ZNF367: variants seen among roughly 807,000 people sequenced by gnomAD.
The protein encoded by ZNF367 is C2H2 zinc finger protein ZFF29.
A neutral mutation model predicts 31.8 loss-of-function variants in ZNF367; 11 were observed. The observed-to-expected ratio is 0.35, with a 90% CI of 0.22 to 0.57. The LOEUF (loss-of-function observed/expected upper bound fraction) is 0.57, where lower values mean the gene tolerates loss of function less well. Ranked by LOEUF, ZNF367 falls within the 20% of genes least tolerant of loss-of-function variation. The probability of loss-of-function intolerance (pLI) is 0.85; values close to 1 mark genes in which losing one functional copy is unlikely to be tolerated. For missense variants in ZNF367, 353 were observed against 484.1 expected (o/e 0.73, Z 2.54); for synonymous variants, 199 against 202.4 (o/e 0.98, Z 0.14).
chr9:96,388,072 T>G lies in ZNF367; in HGVS notation c.*165A>C, dbSNP rs1831426331. The G allele has an allele frequency of 1.6e-6, 1 of 630,978 alleles. No individual in the cohort carries two copies. Among genetic ancestry groups the G allele is most frequent in the Non-Finnish European group, 2.7e-6 (1 of 373,506 alleles). The allele number at this position is 630,978 out of a possible 1,614,324, so 39.1% of individuals were successfully genotyped here. On this transcript the variant is annotated 3_prime_UTR_variant, in exon 5 of 5. Transcript: ENST00000375256. ...TGAATTCATTTCCATATTAAAAAAG[T>G]GCAGTTCTCTCTCACCCCATATTCT...
chr9:96,393,758 G>A (rs2131072005), intron 3 of ZNF367, among the ~76,000 whole-genome samples: 1 of 152,274 alleles, frequency 6.6e-6, no homozygotes, highest in Non-Finnish European at 1.5e-5. Flanking sequence ...TTGAACCCAG[G>A]AGGCGGAGGT....
chr9:96,392,560 T>A, intron 3 of ZNF367, 24 bp from the exon 4 acceptor site: 1 of 1,576,894 alleles, frequency 6.3e-7, no homozygotes, highest in Non-Finnish European at 8.7e-7. Flanking sequence ...GGTTAACACC[T>A]GTCAGGATCT....
At chr9:96,407,374 G>C (rs1041437884) in intron 1 of ZNF367, 1 of 1,540,416 alleles carries the variant, frequency 6.5e-7, no homozygotes, top group Admixed American at 1.7e-5. Flanking sequence ...GGAAAGTCGA[G>C]AGGCTCATGA....
chr9:96,393,391 C>G (rs911343095), intron 3 of ZNF367, among the ~76,000 whole-genome samples: 1 of 151,568 alleles, frequency 6.6e-6, no homozygotes, highest in Non-Finnish European at 1.5e-5. Context: ...CATGGTGGCA[C>G]AAGCCTGTAA....
At chr9:96,407,247 C>T (rs1416239448) in intron 1 of ZNF367, 8 of 1,193,626 alleles carry the variant, frequency 6.7e-6, no homozygotes, top group South Asian at 1.2e-5. Context: ...ATTTTCGCAC[C>T]CCAGGGGCTG....
In ZNF367 at chr9:96,417,363, C is replaced by T. The variant is rs1831844475; in HGVS notation, c.420+250G>A. On this transcript the variant is annotated intron_variant, in intron 1 of 4. Coordinates refer to ENST00000375256, the MANE Select transcript of ZNF367 (RefSeq NM_153695.4). The surrounding 1 kb of genome is among the most constrained non-coding windows in gnomAD (Gnocchi z 5.0). ...CGTTGACCCGGCCTCCCCAGCGACC[C>T]CGGGCCGCGCTCCCGCCCACTGCAC... Among the ~76,000 whole-genome samples the T allele has an allele frequency of 6.6e-6, 1 of 152,212 alleles. No homozygotes were observed. The highest frequency in any genetic ancestry group is 6.5e-5 in the Admixed American group (1 of 15,304).
At chr9:96,405,246 C>T (rs1177808928) in intron 1 of ZNF367, among the ~76,000 whole-genome samples, 2 of 142,238 alleles carry the variant, frequency 1.4e-5, no homozygotes, top group East Asian at 2.1e-4. Flanking sequence ...CGCTTGAACC[C>T]GGAGGTTGCA....
chr9:96,412,239 A>G (rs112164566), intron 1 of ZNF367, among the ~76,000 whole-genome samples: 1 of 152,228 alleles, frequency 6.6e-6, no homozygotes, highest in Non-Finnish European at 1.5e-5. Flanking sequence ...GATCTTGTCA[A>G]GACTGTTGAC....
At position 96,386,859 on chromosome 9, in the gene ZNF367, G is replaced by A. The variant is rs908257295; in HGVS notation, c.*1378C>T. 2 of 152,052 alleles carry A rather than the reference G, an allele frequency of 1.3e-5. No homozygotes were observed. Among genetic ancestry groups the A allele is most frequent in the African/African-American group, 4.8e-5 (2 of 41,398 alleles). 9.4% of individuals were successfully genotyped at this position (152,052 alleles called of 1,614,324 possible). A position where few individuals can be genotyped will look rare whatever the true frequency, so the allele number is the denominator to read the frequency against. On this transcript the variant is annotated 3_prime_UTR_variant, in exon 5 of 5. Transcript: ENST00000375256. ...GTAGGAACGTCTTCAACTCAAAAAA[G>A]CTAAAAAGGCACTGAAGAGCCCATA...
At chr9:96,388,856 T>C (rs1831435938) in intron 4 of ZNF367, among the ~76,000 whole-genome samples, 1 of 152,236 alleles carries the variant, frequency 6.6e-6, no homozygotes, top group South Asian at 2.1e-4. Context: ...ACGCTGTAAA[T>C]ATTAAACCCA....
In ZNF367 at chr9:96,418,115, C is replaced by A; in HGVS notation, c.-83G>T. 1 of 1,283,182 alleles carries A rather than the reference C, an allele frequency of 7.8e-7. No individual in the cohort carries two copies. The highest frequency in any genetic ancestry group is 2.4e-5 in the South Asian group (1 of 42,310). The allele number at this position is 1,283,182 out of a possible 1,614,324, so 79.5% of individuals were successfully genotyped here. On this transcript the variant is annotated 5_prime_UTR_variant, in exon 1 of 5. Transcript: ENST00000375256. ...GCCCCTCACTCGCTCTGCTCCGAGT[C>A]GCAGGCTCAGTCCTGCCGGCTCATG...
rs1564146064 is a variant in ZNF367 at position 96,415,478 on chromosome 9, CATTT to C, written c.420+2131_420+2134del. Among the ~76,000 whole-genome samples, 148 of 65,552 alleles carry C rather than the reference CATTT, an allele frequency of 2.3e-3. 6 individuals carry two copies. The highest frequency in any genetic ancestry group is 2.8e-3 in the Non-Finnish European group (93 of 33,644). The allele number at this position is 65,552 out of a possible 152,430, so 43.0% of individuals were successfully genotyped here. A position where few individuals can be genotyped will look rare whatever the true frequency, so the allele number is the denominator to read the frequency against. ...TCAACGCTTCTATCGTTAGTTTCTTCATTTTTTTTTTTTTTTTTTTTTTTTTTTT... is the reference window on the plus strand; with the variant it reads ...TCAACGCTTCTATCGTTAGTTTCTTCTTTTTTTTTTTTTTTTTTTTTTTTT... On this transcript the variant is annotated intron_variant, in intron 1 of 4. Coordinates refer to ENST00000375256, the MANE Select transcript of ZNF367 (RefSeq NM_153695.4).
intron 1 of ZNF367, among the ~76,000 whole-genome samples, chr9:96,414,974 A>G (rs1302004544): frequency 6.6e-6 from 1 of 152,184 alleles, no homozygotes; most frequent in African/African-American, 2.4e-5. Context: ...GTTCAACTAC[A>G]TAATCTAATT....
At chr9:96,411,490 G>A (rs1252218272) in intron 1 of ZNF367, among the ~76,000 whole-genome samples, 3 of 151,994 alleles carry the variant, frequency 2.0e-5, no homozygotes, top group Non-Finnish European at 4.4e-5. Context: ...TTGAGAGTGG[G>A]AGTTCAAGGC....
At chr9:96,412,500 C>G (rs367635779) in intron 1 of ZNF367, among the ~76,000 whole-genome samples, 6 of 152,086 alleles carry the variant, frequency 3.9e-5, no homozygotes, top group African/African-American at 1.4e-4. Context: ...TTTTCACATT[C>G]AGATTTAGAT....
chr9:96,415,478 CAT>C lies in ZNF367; in HGVS notation c.420+2133_420+2134del, dbSNP rs1831809912. 5.2e-4 allele frequency among the ~76,000 whole-genome samples: 34 copies of C among 65,572 alleles called. 1 individual carries two copies. The highest frequency in any genetic ancestry group is 1.2e-3 in the African/African-American group (22 of 17,772). The allele number at this position is 65,572 out of a possible 152,430, so 43.0% of individuals were successfully genotyped here. ...TCAACGCTTCTATCGTTAGTTTCTT[CAT>C]TTTTTTTTTTTTTTTTTTTTTTTTT... On this transcript the variant is annotated intron_variant, in intron 1 of 4. Coordinates refer to ENST00000375256, the MANE Select transcript of ZNF367 (RefSeq NM_153695.4).
intron 1 of ZNF367, among the ~76,000 whole-genome samples, chr9:96,409,717 A>G (rs1272115811): frequency 6.6e-6 from 1 of 152,210 alleles, no homozygotes; most frequent in African/African-American, 2.4e-5. Context: ...CTTGGCTGTG[A>G]TCCTCAGTAG....
rs1831853247 is a variant in ZNF367, at chr9:96,417,758, G to A, written c.275C>T (p.Ser92Leu). The A allele has an allele frequency of 3.2e-6, 4 of 1,236,304 alleles. No homozygotes were observed. The highest frequency in any genetic ancestry group is 4.0e-6 in the Non-Finnish European group (4 of 988,574). The allele number at this position is 1,236,304 out of a possible 1,614,324, so 76.6% of individuals were successfully genotyped here. The change falls in exon 1 of 5, where the codon TCG becomes TTG. Residue 92 changes from serine to leucine, a missense_variant. Ser to Leu is a moderately radical substitution (Grantham distance 145). Around this residue, in one of 5 missense-constraint regions of ZNF367, gnomAD observed 70 missense variants for 57.1 expected, o/e 1.23. Transcript: ENST00000375256. This position sits in a 1 kb window ranked among gnomAD's most constrained non-coding sequence, Gnocchi z 5.0. The part of the protein sequence containing the change: ...LSPGAAGAAA[S>L]AALPAAAAAE... Reference sequence around the variant, plus strand: ...GGCTGCGGCTGCAGGCAGGGCGGCCGAGGCGGCGGCCCCCGCGGCCCCAGG... The same window carrying A: ...GGCTGCGGCTGCAGGCAGGGCGGCCAAGGCGGCGGCCCCCGCGGCCCCAGG...
chr9:96,397,315 C>CT (rs933178213), intron 2 of ZNF367, among the ~76,000 whole-genome samples: 4,915 of 145,740 alleles, frequency 0.034, 265 homozygotes, highest in African/African-American at 0.11. Flanking sequence ...GCCCTCTATA[C>CT]TTTTTTTTTT....
Sources: gnomAD v4.1 joint callset for allele counts (sites outside exome capture counted in the v4.1 genomes callset) on GRCh38, gnomAD v4.1.1 for gene constraint, gnomAD v4.1.1 regional missense constraint, Gnocchi (gnomAD v3.1) non-coding constraint, MANE v1.5 for transcripts, NCBI Gene and HGNC (gene_info 2026-07-23, HGNC 2026-07-21) for gene names.